The following CERS5 variants were observed in gnomAD, a reference collection of about 807,000 sequenced individuals.
CERS5 encodes ceramide synthase 5.
In CERS5, 37 loss-of-function variants were observed where a neutral mutation model predicts 58.9. The ratio of observed to expected loss-of-function variants is 0.63; its 90% CI spans 0.48 to 0.83. The LOEUF (loss-of-function observed/expected upper bound fraction) is 0.83. Among genes scored for constraint, CERS5 ranks in the 40% least tolerant of loss-of-function variants. The probability of loss-of-function intolerance (pLI) is 0.00; values close to 1 mark genes in which losing one functional copy is unlikely to be tolerated. For missense variants in CERS5, 398 were observed against 489.3 expected, an observed-to-expected ratio of 0.81 and a Z score of 1.76; for synonymous variants, 147 against 177.8, an observed-to-expected ratio of 0.83 and a Z score of 1.38.
intron 1 of CERS5, chr12:50,165,985 T>G: frequency 2.2e-6 from 1 of 453,526 alleles, no homozygotes; most frequent in Non-Finnish European, 4.4e-6. Flanking sequence ...GGTGAAATCA[T>G]GTGGTTGAAC....
At chr12:50,166,236 T>C (rs1293362709) in intron 1 of CERS5, 5 of 173,866 alleles carry the variant, frequency 2.9e-5, no homozygotes, top group Admixed American at 1.3e-4. Flanking sequence ...GGCAGGAGAA[T>C]CGCTTCAACA....
At chr12:50,139,495 CAAAA>C (rs1951852408) in intron 4 of CERS5, among the ~76,000 whole-genome samples, 1 of 150,000 alleles carries the variant, frequency 6.7e-6, no homozygotes, top group Non-Finnish European at 1.5e-5. Flanking sequence ...AAAAACAAAA[CAAAA>C]CAAAACAAAA....
At chr12:50,150,819 C>T (rs1298606448) in intron 1 of CERS5, among the ~76,000 whole-genome samples, 1 of 152,112 alleles carries the variant, frequency 6.6e-6, no homozygotes, top group Non-Finnish European at 1.5e-5. Flanking sequence ...TAAAACACAG[C>T]AGTGAGTTAA....
intron 9 of CERS5, chr12:50,133,813 C>T: frequency 3.1e-6 from 3 of 980,180 alleles, no homozygotes; most frequent in Non-Finnish European, 3.6e-6. Context: ...GTGGCTCACG[C>T]CTGTAATCCC....
At chr12:50,136,163 C>T (rs535173739) in intron 6 of CERS5, 94 bp from the exon 7 acceptor site, 8 of 1,154,930 alleles carry the variant, frequency 6.9e-6, no homozygotes, top group Non-Finnish European at 9.4e-6. Flanking sequence ...AAGAATCTTA[C>T]CCCACCCCAT....
At chr12:50,164,570 G>A (rs1210722478) in intron 1 of CERS5, among the ~76,000 whole-genome samples, 4 of 152,166 alleles carry the variant, frequency 2.6e-5, no homozygotes, top group African/African-American at 4.8e-5. Flanking sequence ...TGCTTCTAGG[G>A]TTAAACTTTC....
chr12:50,162,189 T>C (rs960682560), intron 1 of CERS5, among the ~76,000 whole-genome samples: 6 of 69,992 alleles, frequency 8.6e-5, no homozygotes, highest in Non-Finnish European at 1.7e-4. Flanking sequence ...TTGTTCTTTT[T>C]TTTTTTTTTT....
chr12:50,143,966 T>A lies in CERS5; in HGVS notation c.289A>T (p.Ile97Leu). The A allele has an allele frequency of 6.2e-7, 1 of 1,603,064 alleles. No individual in the cohort carries two copies. The highest frequency in any genetic ancestry group is 8.5e-7 in the Non-Finnish European group (1 of 1,170,102). Residue 97 changes from isoleucine to leucine, a missense_variant, in exon 2 of 10, where the codon ATA becomes TTA. This residue lies in a region of CERS5 where 328 missense variants were observed against 384.5 expected (regional missense o/e 0.85). Coordinates refer to ENST00000317551, the MANE Select transcript of CERS5 (RefSeq NM_147190.5). ...TGCCCACTTACCTTGGTAATAGATA[T>A]GAACACCTTTTCAAGGATGGCATTG... is the stretch of plus-strand genomic sequence containing the variant. The part of the protein sequence containing the change: ...QPNAILEKVF[I>L]SITKYPDKKR...
chr12:50,159,804 T>C (rs1379401213), intron 1 of CERS5, among the ~76,000 whole-genome samples: 1 of 152,040 alleles, frequency 6.6e-6, no homozygotes, highest in East Asian at 1.9e-4. Context: ...TTGGTCAGGC[T>C]GGTCTCGAAC....
At chr12:50,148,166 G>A (rs1164773252) in intron 1 of CERS5, among the ~76,000 whole-genome samples, 1 of 151,980 alleles carries the variant, frequency 6.6e-6, no homozygotes, top group Admixed American at 6.6e-5. Flanking sequence ...AGACAGGTGT[G>A]GTAGCTCATG....
intron 6 of CERS5, 141 bp downstream of exon 6, chr12:50,137,587 T>C: frequency 5.4e-6 from 3 of 556,406 alleles, no homozygotes; most frequent in East Asian, 3.2e-5. Context: ...TCTGGGAACA[T>C]TACGACAAGC....
Position 50,130,235 on chromosome 12 carries a change from C to G in CERS5, c.*310G>C, listed in dbSNP as rs1285824282. The G allele has an allele frequency of 1.2e-4, 28 of 236,966 alleles. No individual in the cohort carries two copies. In the East Asian group the frequency reaches 2.5e-3, roughly 21 times the overall value. The allele number at this position is 236,966 out of a possible 1,614,324, so 14.7% of individuals were successfully genotyped here. A position where few individuals can be genotyped will look rare whatever the true frequency, so the allele number is the denominator to read the frequency against. On this transcript the variant is annotated 3_prime_UTR_variant, in exon 10 of 10. Transcript: ENST00000317551. Reference sequence around the variant, plus strand: ...GAACTAAGGTGGGTTCAGTGGGGACCAGGGAAGGCCTCATGGCCCCAGTCC... The same window carrying G: ...GAACTAAGGTGGGTTCAGTGGGGACGAGGGAAGGCCTCATGGCCCCAGTCC...
At chr12:50,142,514 C>T (rs1952026606) in intron 3 of CERS5, among the ~76,000 whole-genome samples, 2 of 143,218 alleles carry the variant, frequency 1.4e-5, no homozygotes, top group South Asian at 4.5e-4. Flanking sequence ...TGTGCCACTA[C>T]ACTCCAGTCT....
chr12:50,154,904 G>A (rs1938393957), intron 1 of CERS5, among the ~76,000 whole-genome samples: 1 of 152,104 alleles, frequency 6.6e-6, no homozygotes, highest in Admixed American at 6.6e-5. Flanking sequence ...CGTCACCCAG[G>A]CTGGAGTGCA....
intron 1 of CERS5, among the ~76,000 whole-genome samples, chr12:50,145,575 C>T (rs1324999448): frequency 6.6e-6 from 1 of 151,946 alleles, no homozygotes; most frequent in African/African-American, 2.4e-5. Context: ...AACTTTTTAC[C>T]TTATCACCAA....
chr12:50,134,441 C>G, intron 9 of CERS5, 105 bp downstream of exon 9: 2 of 1,607,620 alleles, frequency 1.2e-6, no homozygotes. Flanking sequence ...TTTTGCTTGG[C>G]CTGCTTGAGT....
intron 1 of CERS5, chr12:50,153,854 T>A (rs888124616): frequency 1.9e-5 from 8 of 424,578 alleles, no homozygotes; most frequent in African/African-American, 1.5e-4. Context: ...CTTGGAAGGC[T>A]GAGGCAGGAG....
In CERS5 at chr12:50,129,345, CACCA is replaced by C. The variant is rs1010716343; in HGVS notation, c.*1196_*1199del. On this transcript the variant is annotated 3_prime_UTR_variant, in exon 10 of 10. Transcript: ENST00000317551. ...ATTGCATCTTTTGTCAGATTAGCTACACCAACCAATCCAGTTTGTATTAACAAGG... is the reference window on the plus strand; with the variant it reads ...ATTGCATCTTTTGTCAGATTAGCTACACCAATCCAGTTTGTATTAACAAGG... 5.3e-5 allele frequency: 8 copies of C among 152,264 alleles called. No homozygotes were observed. The highest frequency in any genetic ancestry group is 3.3e-4 in the Admixed American group (5 of 15,286). 9.4% of individuals were successfully genotyped at this position (152,264 alleles called of 1,614,324 possible). A position where few individuals can be genotyped will look rare whatever the true frequency, so the allele number is the denominator to read the frequency against.
At chr12:50,164,924 A>C (rs1468096560) in intron 1 of CERS5, 1 of 152,162 alleles carries the variant, frequency 6.6e-6, no homozygotes, top group Non-Finnish European at 1.5e-5. Context: ...ATGTTTTTCT[A>C]TGAAAATCAC....
Sources: allele counts gnomAD v4.1 joint callset (sites outside exome capture counted in the v4.1 genomes callset), GRCh38; gene constraint gnomAD v4.1.1; regional missense constraint gnomAD v4.1.1; transcripts MANE v1.5; gene names NCBI Gene and HGNC (gene_info 2026-07-23, HGNC 2026-07-21).